The following CDC42BPA variants were observed in gnomAD, a reference collection of about 807,000 sequenced individuals.
CDC42BPA encodes CDC42 binding protein kinase alpha.
Under a neutral mutation model 223.5 loss-of-function variants are expected in CDC42BPA, and 80 were observed. That is an observed-to-expected ratio of 0.36 (90% CI 0.30 to 0.43). The LOEUF (loss-of-function observed/expected upper bound fraction) is 0.43, where lower values mean the gene tolerates loss of function less well. Ranked by LOEUF, CDC42BPA falls within the 20% of genes least tolerant of loss-of-function variation. CDC42BPA has a pLI of 1.00. For missense variants in CDC42BPA, 1,743 were observed against 2,099.9 expected (o/e 0.83, Z 3.32); for synonymous variants, 694 against 718.6 (o/e 0.97, Z 0.55).
At chr1:227,060,375 C>T (rs571244083) in intron 21 of CDC42BPA, among the ~76,000 whole-genome samples, 2 of 152,256 alleles carry the variant, frequency 1.3e-5, no homozygotes, top group South Asian at 4.1e-4. Context: ...ACATTCAGTG[C>T]AACCTAACAT....
chr1:227,202,204 G>A lies in CDC42BPA; in HGVS notation c.355-2552C>T, dbSNP rs547062384. Among the ~76,000 whole-genome samples, 4 of 152,156 alleles carry A rather than the reference G, an allele frequency of 2.6e-5. No individual in the cohort carries two copies. In the South Asian group the frequency reaches 8.3e-4, roughly 32 times the overall value. ...TCACTGCGTTAGCCAGGATGGTCTC[G>A]ATCTCCTGACCTCGTGATCCGCCCA... On this transcript the variant is annotated intron_variant, in intron 3 of 36. Coordinates refer to ENST00000366766, the MANE Select transcript of CDC42BPA (RefSeq NM_001394014.1).
intron 1 of CDC42BPA, among the ~76,000 whole-genome samples, chr1:227,315,955 CAAAAA>C (rs71180728): frequency 9.0e-6 from 1 of 110,964 alleles, no homozygotes; most frequent in Non-Finnish European, 1.8e-5. Context: ...ATTTCAAATC[CAAAAA>C]AAAAAAAAAA....
intron 16 of CDC42BPA, among the ~76,000 whole-genome samples, chr1:227,090,119 T>A (rs1682810295): frequency 6.6e-6 from 1 of 152,192 alleles, no homozygotes; most frequent in South Asian, 2.1e-4. Flanking sequence ...TCAATTTATA[T>A]TACTTACTGT....
chr1:227,064,466 T>C (rs61834041), intron 21 of CDC42BPA, among the ~76,000 whole-genome samples: 90 of 152,234 alleles, frequency 5.9e-4, no homozygotes, highest in Admixed American at 2.8e-3. Flanking sequence ...GAAGAGAGTA[T>C]AGGAAGTTGC....
intron 14 of CDC42BPA, chr1:227,112,065 T>TCGGTAGTC: frequency 3.1e-6 from 1 of 318,022 alleles, no homozygotes; most frequent in Non-Finnish European, 5.7e-6. Flanking sequence ...TGTGTAGGTC[T>TCGGTAGTC]GCATAAACAT....
rs747979605 is a variant in CDC42BPA, at chr1:227,112,768, C to T, written c.1793G>A (p.Arg598His). 7 of 1,614,006 alleles carry T rather than the reference C, an allele frequency of 4.3e-6. No homozygotes were observed. The highest frequency in any genetic ancestry group is 1.7e-5 in the Admixed American group (1 of 60,006). Residue 598 changes from arginine to histidine, a missense_variant, in exon 13 of 37, where the codon CGC (arginine) becomes CAC (histidine). Arg to His is a conservative substitution (Grantham distance 29). Coordinates refer to ENST00000366766, the MANE Select transcript of CDC42BPA (RefSeq NM_001394014.1). ...CTCTTCTTCCTTATCTCGGACATGGCGAGCAAGTTTCTGTTTTTGGGTGTG... is the reference window on the plus strand; with the variant it reads ...CTCTTCTTCCTTATCTCGGACATGGTGAGCAAGTTTCTGTTTTTGGGTGTG... ...ELHTQKQKLA[R>H]HVRDKEEEVD...
In CDC42BPA at chr1:227,028,723, T is replaced by C. The variant is rs1668714925; in HGVS notation, c.4366A>G (p.Thr1456Ala). The C allele has an allele frequency of 6.2e-7, 1 of 1,612,878 alleles. No individual in the cohort carries two copies. Among genetic ancestry groups the C allele is most frequent in the Non-Finnish European group, 8.5e-7 (1 of 1,179,222 alleles). Reference sequence around the variant, plus strand: ...CTAGATCTTCGGCCCTGGCAGTCAGTGTATATCCCAATGCTGTTAAAACAC... The same window carrying C: ...CTAGATCTTCGGCCCTGGCAGTCAGCGTATATCCCAATGCTGTTAAAACAC... ...LLCFNSIGIYTDCQGRRSRQQ... is the reference protein window; with the variant it reads ...LLCFNSIGIYADCQGRRSRQQ... The change falls in exon 30 of 37, where the codon ACT (threonine) becomes GCT (alanine). Residue 1456 changes from threonine (T) to alanine (A), a missense_variant. By Grantham distance (58) the Thr-to-Ala change is moderately conservative. This residue lies in a region of CDC42BPA where 678 missense variants were observed against 777.5 expected (regional missense o/e 0.87). Coordinates refer to ENST00000366766, the MANE Select transcript of CDC42BPA (RefSeq NM_001394014.1).
chr1:227,233,819 G>A (rs1466395232), intron 2 of CDC42BPA, among the ~76,000 whole-genome samples: 1 of 152,056 alleles, frequency 6.6e-6, no homozygotes, highest in Non-Finnish European at 1.5e-5. Flanking sequence ...TGTAATCCCA[G>A]CTACTCAGGA....
At chr1:227,177,740 T>C (rs1667214861) in intron 5 of CDC42BPA, among the ~76,000 whole-genome samples, 1 of 152,150 alleles carries the variant, frequency 6.6e-6, no homozygotes, top group South Asian at 2.1e-4. Context: ...CTATTATTCT[T>C]TTCTGTCCTA....
intron 15 of CDC42BPA, among the ~76,000 whole-genome samples, chr1:227,099,016 C>T (rs911143902): frequency 6.6e-6 from 1 of 151,848 alleles, no homozygotes; most frequent in Non-Finnish European, 1.5e-5. Context: ...TTGAAAAATT[C>T]CTATTACCTG....
intron 22 of CDC42BPA, among the ~76,000 whole-genome samples, chr1:227,051,352 A>G (rs890646752): frequency 6.6e-6 from 1 of 152,186 alleles, no homozygotes; most frequent in African/African-American, 2.4e-5. Flanking sequence ...GCTATTTAAA[A>G]CCATTGATTG....
intron 15 of CDC42BPA, among the ~76,000 whole-genome samples, chr1:227,099,968 G>C (rs1350842262): frequency 6.6e-6 from 1 of 151,986 alleles, no homozygotes; most frequent in African/African-American, 2.4e-5. Flanking sequence ...TTTTGTACCA[G>C]TCCCTACAAC....
intron 6 of CDC42BPA, among the ~76,000 whole-genome samples, chr1:227,156,893 A>T (rs1278369535): frequency 6.6e-6 from 1 of 152,094 alleles, no homozygotes; most frequent in Non-Finnish European, 1.5e-5. Context: ...CAGATGCTAA[A>T]GCCTCCCTGA....
At chr1:227,227,975 T>C (rs1677132909) in intron 2 of CDC42BPA, among the ~76,000 whole-genome samples, 1 of 152,212 alleles carries the variant, frequency 6.6e-6, no homozygotes, top group African/African-American at 2.4e-5. Context: ...CTTTATCCAT[T>C]ACTGATTCTT....
intron 34 of CDC42BPA, among the ~76,000 whole-genome samples, chr1:227,008,035 T>TG (rs1558268202): frequency 6.6e-6 from 1 of 152,226 alleles, no homozygotes; most frequent in African/African-American, 2.4e-5. Flanking sequence ...AGCAGGCATA[T>TG]GGTTCCCTAG....
intron 6 of CDC42BPA, among the ~76,000 whole-genome samples, chr1:227,156,448 GCC>G (rs1491372088): frequency 3.5e-4 from 1 of 2,832 alleles, no homozygotes; most frequent in Non-Finnish European, 1.9e-3. Context: ...CCTGCCATAG[GCC>G]TCTCAAAGAC....
At chr1:227,077,169 T>C (rs1679665970) in intron 17 of CDC42BPA, among the ~76,000 whole-genome samples, 1 of 152,208 alleles carries the variant, frequency 6.6e-6, no homozygotes, top group Non-Finnish European at 1.5e-5. Flanking sequence ...TCTTAAGTCA[T>C]ATAGACCTGG....
chr1:227,193,082 T>C (rs1433527693), intron 5 of CDC42BPA, among the ~76,000 whole-genome samples: 1 of 147,354 alleles, frequency 6.8e-6, no homozygotes, highest in Non-Finnish European at 1.5e-5. Flanking sequence ...TTTTTTTTTT[T>C]TTTGGAGACA....
intron 21 of CDC42BPA, among the ~76,000 whole-genome samples, chr1:227,064,080 A>G (rs1455915887): frequency 6.6e-6 from 1 of 152,178 alleles, no homozygotes; most frequent in Non-Finnish European, 1.5e-5. Context: ...GGAAAACAAT[A>G]TTAGGGGGAC....
Sources: allele counts gnomAD v4.1 joint callset (sites outside exome capture counted in the v4.1 genomes callset), GRCh38; gene constraint gnomAD v4.1.1; regional missense constraint gnomAD v4.1.1; transcripts MANE v1.5; gene names NCBI Gene and HGNC (gene_info 2026-07-23, HGNC 2026-07-21).